ICA1: variants seen among roughly 807,000 people sequenced by gnomAD.
ICA1 encodes islet cell autoantigen 1.
Under a neutral mutation model 71.0 loss-of-function variants are expected in ICA1, and 40 were observed. The observed-to-expected ratio is 0.56, with a 90% CI of 0.44 to 0.73. The LOEUF is 0.73. ICA1 is among the 30% of genes least tolerant of loss of function. ICA1 has a pLI of 0.00. For synonymous variants in ICA1, 207 were observed against 209.5 expected, an observed-to-expected ratio of 0.99 and a Z score of 0.10; for missense variants, 578 against 576.5, an observed-to-expected ratio of 1.00 and a Z score of -0.03.
chr7:8,176,520 C>A (rs1031836129), intron 6 of ICA1, among the ~76,000 whole-genome samples: 1 of 152,132 alleles, frequency 6.6e-6, no homozygotes, highest in Non-Finnish European at 1.5e-5. Flanking sequence ...CTAAGCTGCA[C>A]GAAGGGGGAA....
intron 6 of ICA1, 55 bp from the exon 7 acceptor site, chr7:8,158,707 T>C (rs1802623782): frequency 6.3e-7 from 1 of 1,579,520 alleles, no homozygotes; most frequent in Admixed American, 1.8e-5. Flanking sequence ...TAGGTAAAAT[T>C]TGCAGGTGAA....
chr7:8,164,844 G>A (rs1805302508), intron 6 of ICA1, among the ~76,000 whole-genome samples: 1 of 152,182 alleles, frequency 6.6e-6, no homozygotes, highest in South Asian at 2.1e-4. Flanking sequence ...TTGGGAGGCT[G>A]AGATGGGTGG....
intron 6 of ICA1, among the ~76,000 whole-genome samples, chr7:8,178,790 T>C (rs1430265075): frequency 1.3e-5 from 2 of 152,172 alleles, no homozygotes; most frequent in African/African-American, 2.4e-5. Context: ...TCCTGGGTTC[T>C]TTGTACACAC....
rs562276539 is a variant in ICA1 at position 8,235,906 on chromosome 7, T to A, written c.17+4A>T. 1 of 1,613,138 alleles carries A rather than the reference T, an allele frequency of 6.2e-7. No homozygotes were observed. Among genetic ancestry groups the A allele is most frequent in the South Asian group, 1.1e-5 (1 of 90,982 alleles). On this transcript the variant is annotated splice_donor_region_variant and intron_variant, in intron 2 of 13. Transcript: ENST00000402384. Reference sequence around the variant, plus strand: ...CAATTCAGAAAAGATGACAAATTACTTACCATTTGTGTCCTGACATGTTTT... The same window carrying A: ...CAATTCAGAAAAGATGACAAATTACATACCATTTGTGTCCTGACATGTTTT...
At chr7:8,208,250 A>G (rs1043022269) in intron 6 of ICA1, among the ~76,000 whole-genome samples, 2 of 152,220 alleles carry the variant, frequency 1.3e-5, no homozygotes, top group Non-Finnish European at 2.9e-5. Flanking sequence ...GTCTGTTTGT[A>G]AAGAAGGATT....
intron 12 of ICA1, among the ~76,000 whole-genome samples, chr7:8,135,434 C>T (rs1216379193): frequency 6.6e-6 from 1 of 152,096 alleles, no homozygotes; most frequent in African/African-American, 2.4e-5. Context: ...TGTACCAAAG[C>T]CAGCAGTACA....
Position 8,230,088 on chromosome 7 carries a change from A to G in ICA1, c.184-1415T>C, listed in dbSNP as rs113276165. Among the ~76,000 whole-genome samples, 828 of 152,354 alleles carry G rather than the reference A, an allele frequency of 5.4e-3. 8 individuals are homozygous for G. Among genetic ancestry groups the G allele is most frequent in the African/African-American group, 0.018 (765 of 41,580 alleles). On this transcript the variant is annotated intron_variant, in intron 3 of 13. Transcript: ENST00000402384. ...CTAACATAATCATGCCCAAGGCAAGATAAGAAACATTTCCATCATCTAATC... is the reference window on the plus strand; with the variant it reads ...CTAACATAATCATGCCCAAGGCAAGGTAAGAAACATTTCCATCATCTAATC...
In ICA1 at chr7:8,153,765, A is replaced by G. The variant is rs977717872; in HGVS notation, c.804+3351T>C. The stretch of plus-strand genomic sequence containing the variant: ...CTAGCCCCATGACTCAATAATTTCT[A>G]CCACGTGAAAGATAGTCCCAGATGA... On this transcript the variant is annotated intron_variant, in intron 8 of 13. Transcript: ENST00000402384. 2.6e-5 allele frequency among the ~76,000 whole-genome samples: 4 copies of G among 151,476 alleles called. No homozygotes were observed. The East Asian group carries it at 5.8e-4, about 22-fold the overall frequency.
chr7:8,253,719 A>G (rs1583886959), intron 1 of ICA1, among the ~76,000 whole-genome samples: 1 of 152,330 alleles, frequency 6.6e-6, no homozygotes, highest in East Asian at 1.9e-4. Flanking sequence ...CTTTTCATAT[A>G]CATACATGGG....
In ICA1 at chr7:8,138,899, G is replaced by C. The variant is rs902234508; in HGVS notation, c.1019-18C>G. The stretch of plus-strand genomic sequence containing the variant: ...TATGGGTCCTTTAGAGAAGAGGAAA[G>C]AAAACAAAATTATAAGTCAGTTTCA... On this transcript the variant is annotated intron_variant, in intron 11 of 13. Coordinates refer to ENST00000402384, the MANE Select transcript of ICA1 (RefSeq NM_001136020.3). The C allele has an allele frequency of 1.9e-6, 3 of 1,604,748 alleles. No homozygotes were observed. The highest frequency in any genetic ancestry group is 2.6e-6 in the Non-Finnish European group (3 of 1,172,190).
intron 2 of ICA1, among the ~76,000 whole-genome samples, chr7:8,233,813 C>T (rs9784936): frequency 0.031 from 4,659 of 152,274 alleles, 87 homozygotes; most frequent in Non-Finnish European, 0.047. Context: ...AAATTGGTTG[C>T]AGGCTTCTGA....
rs571138104 is a variant in ICA1 at position 8,113,606 on chromosome 7, T to C, written c.*317A>G. 302 of 216,826 alleles carry C rather than the reference T, an allele frequency of 1.4e-3. 2 individuals carry two copies. The highest frequency in any genetic ancestry group is 2.0e-3 in the Middle Eastern group (1 of 502). 13.4% of individuals were successfully genotyped at this position (216,826 alleles called of 1,614,324 possible). A position where few individuals can be genotyped will look rare whatever the true frequency, so the allele number is the denominator to read the frequency against. ...ATTCAAACCTACCATCAAAGTAGGC[T>C]TCTGATTTCAACTTGGATCTCACGG... On this transcript the variant is annotated 3_prime_UTR_variant, in exon 14 of 14. Transcript: ENST00000402384. The surrounding 1 kb of genome is among the most constrained non-coding windows in gnomAD (Gnocchi z 4.2).
At chr7:8,237,831 C>T (rs893768296) in intron 1 of ICA1, among the ~76,000 whole-genome samples, 31 of 151,018 alleles carry the variant, frequency 2.1e-4, no homozygotes, top group Admixed American at 1.7e-3. Context: ...CACACACACA[C>T]ACACACACAC....
At chr7:8,190,888 GC>G (rs1785363146) in intron 6 of ICA1, among the ~76,000 whole-genome samples, 1 of 152,194 alleles carries the variant, frequency 6.6e-6, no homozygotes, top group South Asian at 2.1e-4. Context: ...CATGAGCCTT[GC>G]TTTGACTTAG....
rs925626033 is a variant in ICA1, at chr7:8,154,203, G to T, written c.804+2913C>A. Among the ~76,000 whole-genome samples, 12 of 152,172 alleles carry T rather than the reference G, an allele frequency of 7.9e-5. No individual in the cohort carries two copies. In the East Asian group the frequency reaches 2.3e-3, roughly 29 times the overall value. ...CAACAGTCACTTGGATATTTTTCAAGTATGAAGTGAAGACTCAATTCATCT... is the reference window on the plus strand; with the variant it reads ...CAACAGTCACTTGGATATTTTTCAATTATGAAGTGAAGACTCAATTCATCT... On this transcript the variant is annotated intron_variant, in intron 8 of 13. Coordinates refer to ENST00000402384, the MANE Select transcript of ICA1 (RefSeq NM_001136020.3).
At position 8,177,761 on chromosome 7, in the gene ICA1, C is replaced by A. The variant is rs115686143; in HGVS notation, c.580-19109G>T. On this transcript the variant is annotated intron_variant, in intron 6 of 13. Coordinates refer to ENST00000402384, the MANE Select transcript of ICA1 (RefSeq NM_001136020.3). ...ATCAACCAATAAATTAACAGGTGAA[C>A]TGAATTGCAGAAAGTAATTCTGTTA... Among the ~76,000 whole-genome samples the A allele has an allele frequency of 4.3e-3, 651 of 152,288 alleles. 3 individuals carry two copies. Among genetic ancestry groups the A allele is most frequent in the African/African-American group, 0.015 (615 of 41,556 alleles).
At chr7:8,252,848 A>G (rs545248095) in intron 1 of ICA1, among the ~76,000 whole-genome samples, 32 of 152,126 alleles carry the variant, frequency 2.1e-4, no homozygotes, top group Admixed American at 1.1e-3. Context: ...GATCAAATAA[A>G]TTATCAATTT....
chr7:8,196,827 G>A (rs767079671), intron 6 of ICA1, among the ~76,000 whole-genome samples: 69 of 151,986 alleles, frequency 4.5e-4, no homozygotes, highest in Non-Finnish European at 8.1e-4. Context: ...AATGAATCAC[G>A]GCAGTTCCCC....
Position 8,232,693 on chromosome 7 carries a change from T to C in ICA1, c.80A>G (p.Gln27Arg), listed in dbSNP as rs772125493. 2 of 1,612,600 alleles carry C rather than the reference T, an allele frequency of 1.2e-6. No individual in the cohort carries two copies. The highest frequency in any genetic ancestry group is 1.7e-5 in the Admixed American group (1 of 59,774). ...AQDKSVVNKMQQKYWETKQAF... is the reference protein window; with the variant it reads ...AQDKSVVNKMRQKYWETKQAF... ...CTGCTTCGTCTCCCAATATTTCTGT[T>C]GCATCTTATTTACAACTGACTTATC... Residue 27 changes from glutamine to arginine, a missense_variant, in exon 3 of 14, where the codon CAA (glutamine) becomes CGA (arginine). By Grantham distance (43) the Gln-to-Arg change is conservative (BLOSUM62 1). Coordinates refer to ENST00000402384, the MANE Select transcript of ICA1 (RefSeq NM_001136020.3).
Sources: gnomAD v4.1 joint callset for allele counts (sites outside exome capture counted in the v4.1 genomes callset) on GRCh38, gnomAD v4.1.1 for gene constraint, Gnocchi (gnomAD v3.1) non-coding constraint, MANE v1.5 for transcripts, NCBI Gene and HGNC (gene_info 2026-07-23, HGNC 2026-07-21) for gene names.